Variants in CD6 observed in about 807,000 individuals in gnomAD.
CD6 encodes CD6 molecule, also known as T-cell differentiation antigen CD6.
CD6 carries 53 observed loss-of-function variants against 75.3 expected under a neutral mutation model. The ratio of observed to expected loss-of-function variants is 0.70; its 90% CI spans 0.56 to 0.88. The LOEUF is 0.88. CD6 is among the 40% of genes least tolerant of loss of function. CD6 has a pLI of 0.00. For synonymous variants in CD6, 359 were observed against 381.5 expected (o/e 0.94, Z 0.69); for missense variants, 770 against 897.1 (o/e 0.86, Z 1.81).
intron 1 of CD6, among the ~76,000 whole-genome samples, chr11:61,002,993 C>G (rs1320500130): frequency 7.5e-6 from 1 of 133,804 alleles, no homozygotes. Context: ...GAGACACAGT[C>G]TCGCTCTGTT....
rs1273965357 is a variant in CD6 at position 60,972,015 on chromosome 11, G to T, written c.49+101G>T. 4 of 1,263,162 alleles carry T rather than the reference G, an allele frequency of 3.2e-6. No individual in the cohort carries two copies. In the East Asian group the frequency reaches 7.5e-5, roughly 24 times the overall value. The allele number at this position is 1,263,162 out of a possible 1,614,324, so 78.2% of individuals were successfully genotyped here. The stretch of plus-strand genomic sequence containing the variant: ...TGTTTCCTTGTGGTCACTTTTCTAG[G>T]ATCTTTTAGCCAAGACTACACTCAG... On this transcript the variant is annotated intron_variant, in intron 1 of 12. Coordinates refer to ENST00000313421, the MANE Select transcript of CD6 (RefSeq NM_006725.5).
At chr11:60,984,186 CA>C (rs1857699540) in intron 1 of CD6, among the ~76,000 whole-genome samples, 2 of 152,236 alleles carry the variant, frequency 1.3e-5, no homozygotes. Flanking sequence ...TACTCTTCCT[CA>C]AACCTTTGCC....
chr11:60,979,055 G>A (rs1301508238), intron 1 of CD6, among the ~76,000 whole-genome samples: 3 of 152,228 alleles, frequency 2.0e-5, no homozygotes, highest in Non-Finnish European at 4.4e-5. Context: ...AGGAAACTGA[G>A]GTTTAGCGAG....
At chr11:61,002,573 A>C (rs1272119379) in intron 1 of CD6, among the ~76,000 whole-genome samples, 1 of 152,224 alleles carries the variant, frequency 6.6e-6, no homozygotes, top group Admixed American at 6.5e-5. Flanking sequence ...AAAAATCTGC[A>C]GTGAACATTT....
intron 1 of CD6, among the ~76,000 whole-genome samples, chr11:60,998,237 G>A (rs1333317699): frequency 6.6e-6 from 1 of 152,170 alleles, no homozygotes; most frequent in African/African-American, 2.4e-5. Context: ...CTGGGATGAT[G>A]ATATTAATAG....
chr11:61,013,647 C>T lies in CD6; in HGVS notation c.1291+84C>T, dbSNP rs1431969418. 7 of 1,448,494 alleles carry T rather than the reference C, an allele frequency of 4.8e-6. No homozygotes were observed. The East Asian group carries it at 1.6e-4, about 33-fold the overall frequency. The allele number at this position is 1,448,494 out of a possible 1,614,324, so 89.7% of individuals were successfully genotyped here. A position where few individuals can be genotyped will look rare whatever the true frequency, so the allele number is the denominator to read the frequency against. ...CCCCAGCAGCAGTGGCGTGGTCCAG[C>T]AATGACCACCCGGCCCTGGCCCTGG... On this transcript the variant is annotated intron_variant, in intron 7 of 12. Coordinates refer to ENST00000313421, the MANE Select transcript of CD6 (RefSeq NM_006725.5).
intron 1 of CD6, chr11:60,989,320 C>T (rs1404662662): frequency 6.6e-6 from 1 of 152,230 alleles, no homozygotes; most frequent in Admixed American, 6.5e-5. Flanking sequence ...AGGAAGCACT[C>T]GGCACAGAGG....
intron 8 of CD6, 146 bp downstream of exon 8, chr11:61,014,160 G>A: frequency 3.3e-6 from 2 of 602,744 alleles, no homozygotes; most frequent in Non-Finnish European, 5.7e-6. Flanking sequence ...CTGGGACCTT[G>A]AGCAGGCTCA....
chr11:61,015,906 G>C, intron 9 of CD6, 71 bp downstream of exon 9: 2 of 1,577,160 alleles, frequency 1.3e-6, no homozygotes, highest in Non-Finnish European at 1.7e-6. Context: ...GGGACCGTCA[G>C]GTCAGTAGTC....
intron 1 of CD6, among the ~76,000 whole-genome samples, chr11:60,986,788 GT>G (rs1300354637): frequency 6.6e-6 from 1 of 152,158 alleles, no homozygotes; most frequent in African/African-American, 2.4e-5. Flanking sequence ...CTGTGGTTTA[GT>G]TTACTAGAGT....
Position 61,013,947 on chromosome 11 carries a change from C to A in CD6, c.1320C>A (p.His440Gln), listed in dbSNP as rs148791898. ...TCCCCGTAATGGTGAACCACCAGCA[C>A]CTACCCACCACCATCCCGGCAGGGA... ...YALPVMVNHQ[H>Q]LPTTIPAGSN... The change falls in exon 8 of 13, where the codon CAC becomes CAA. Residue 440 changes from histidine (H) to glutamine (Q), a missense_variant. Coordinates refer to ENST00000313421, the MANE Select transcript of CD6 (RefSeq NM_006725.5). 753 of 1,613,482 alleles carry A rather than the reference C, an allele frequency of 4.7e-4. 1 individual carries two copies. Among genetic ancestry groups the A allele is most frequent in the Admixed American group, 7.2e-4 (43 of 59,872 alleles).
chr11:60,983,031 A>G (rs1197027728), intron 1 of CD6, among the ~76,000 whole-genome samples: 1 of 148,774 alleles, frequency 6.7e-6, no homozygotes, highest in East Asian at 2.0e-4. Flanking sequence ...TCATGTAGCT[A>G]CTCTGCCCAG....
chr11:61,016,163 G>A (rs1173123881), intron 9 of CD6, among the ~76,000 whole-genome samples: 1 of 152,206 alleles, frequency 6.6e-6, no homozygotes, highest in African/African-American at 2.4e-5. Flanking sequence ...GAGTGCGGAT[G>A]AGAGACACAG....
At position 61,000,326 on chromosome 11, in the gene CD6, T is replaced by A. The variant is rs79507175; in HGVS notation, c.50-6248T>A. 1.3e-3 allele frequency among the ~76,000 whole-genome samples: 192 copies of A among 151,444 alleles called. 1 individual carries two copies. Among genetic ancestry groups the A allele is most frequent in the African/African-American group, 3.7e-3 (151 of 41,284 alleles). On this transcript the variant is annotated intron_variant, in intron 1 of 12. Transcript: ENST00000313421. ...AACACTTTCTGTTGATTTTTTTTTT[T>A]AACTATACTTCTAGCAGGTGACACA...
chr11:61,015,607 TC>T, intron 8 of CD6, 105 bp from the exon 9 acceptor site: 1 of 1,332,212 alleles, frequency 7.5e-7, no homozygotes, highest in Non-Finnish European at 1.0e-6. Context: ...TACTTGGTGC[TC>T]CCCTGCTACT....
Position 61,013,458 on chromosome 11 carries a change from T to C in CD6, c.1186T>C (p.Ser396Pro). 1 of 1,614,140 alleles carries C rather than the reference T, an allele frequency of 6.2e-7. No homozygotes were observed. Among genetic ancestry groups the C allele is most frequent in the Non-Finnish European group, 8.5e-7 (1 of 1,179,980 alleles). The part of the protein sequence containing the change: ...SVTVKIENKE[S>P]RELMLLIPSI... ...GACAGTGAAAATAGAGAACAAGGAA[T>C]CTCGGGAGCTAATGCTCCTCATCCC... The change falls in exon 7 of 13, where the codon TCT (serine) becomes CCT (proline). Residue 396 changes from serine to proline, a missense_variant. Transcript: ENST00000313421.
chr11:61,019,888 G>A lies in CD6; in HGVS notation c.*570G>A. The A allele has an allele frequency of 2.8e-6, 1 of 352,770 alleles. No homozygotes were observed. The allele number at this position is 352,770 out of a possible 1,614,324, so 21.9% of individuals were successfully genotyped here. ...TGCTCCGGGCGGTAACTGCACTTGG[G>A]CAGGGAATATAGCCTTCCTGGGCAC... On this transcript the variant is annotated 3_prime_UTR_variant, in exon 13 of 13. Coordinates refer to ENST00000313421, the MANE Select transcript of CD6 (RefSeq NM_006725.5).
At chr11:60,991,149 C>CTTTTTTTTTTTTTTTTTTTTT (rs58123378) in intron 1 of CD6, among the ~76,000 whole-genome samples, 27 of 114,702 alleles carry the variant, frequency 2.4e-4, no homozygotes, top group East Asian at 5.1e-4. Context: ...CTTTTTCTTT[C>CTTTTTTTTTTTTTTTTTTTTT]TTTTTTTTTT....
chr11:60,992,004 C>T (rs908966173), intron 1 of CD6, among the ~76,000 whole-genome samples: 9 of 152,010 alleles, frequency 5.9e-5, no homozygotes, highest in South Asian at 2.1e-4. Flanking sequence ...CTCAGCCTCT[C>T]GACTAGCTGG....
Sources: gnomAD v4.1 joint callset for allele counts (sites outside exome capture counted in the v4.1 genomes callset) on GRCh38, gnomAD v4.1.1 for gene constraint, MANE v1.5 for transcripts, NCBI Gene and HGNC (gene_info 2026-07-23, HGNC 2026-07-21) for gene names.